STMN2: variants seen among roughly 807,000 people sequenced by gnomAD.
STMN2 encodes stathmin-2.
A neutral mutation model predicts 24.1 loss-of-function variants in STMN2; 2 were observed. The observed-to-expected ratio is 0.08, with a 90% CI of 0.03 to 0.26. The LOEUF is 0.26. Among genes scored for constraint, STMN2 ranks in the 10% least tolerant of loss-of-function variants. The pLI is 1.00. For synonymous variants in STMN2, 83 were observed against 77.5 expected, an observed-to-expected ratio of 1.07 and a Z score of -0.37; for missense variants, 114 against 213.6, an observed-to-expected ratio of 0.53 and a Z score of 2.91.
Position 79,663,620 on chromosome 8 carries a change from A to C in STMN2, c.481-1195A>C, listed in dbSNP as rs866839047. The C allele has an allele frequency of 5.9e-6, 9 of 1,531,386 alleles. No homozygotes were observed. In the Admixed American group the frequency reaches 9.9e-5, roughly 17 times the overall value. 94.9% of individuals were successfully genotyped at this position (1,531,386 alleles called of 1,614,324 possible). On this transcript the variant is annotated intron_variant, in intron 4 of 4. Coordinates refer to ENST00000220876, the MANE Select transcript of STMN2 (RefSeq NM_007029.4). ...TCTTCTGAACTAAAAGAATCTATAG[A>C]GTCTCAATTTCTGGAGCTTCAGAGG...
chr8:79,640,848 C>T (rs1810080402), intron 2 of STMN2, among the ~76,000 whole-genome samples: 1 of 152,166 alleles, frequency 6.6e-6, no homozygotes, highest in South Asian at 2.1e-4. Context: ...TCTAACGAAG[C>T]TCCTGTGATT....
At chr8:79,646,066 A>G (rs1040002343) in intron 3 of STMN2, among the ~76,000 whole-genome samples, 4 of 152,162 alleles carry the variant, frequency 2.6e-5, no homozygotes, top group African/African-American at 9.7e-5. Flanking sequence ...TAAGTAAATT[A>G]ATAAATAATA....
At chr8:79,641,630 A>ACT in intron 3 of STMN2, 80 bp downstream of exon 3, 1 of 169,330 alleles carries the variant, frequency 5.9e-6, no homozygotes. Context: ...ACATGCACGC[A>ACT]CACACACACA....
At chr8:79,619,868 A>C (rs1809470082) in intron 1 of STMN2, among the ~76,000 whole-genome samples, 1 of 152,110 alleles carries the variant, frequency 6.6e-6, no homozygotes, top group African/African-American at 2.4e-5. Context: ...TTTAAAAATT[A>C]TCTTTTTATT....
At chr8:79,637,594 G>A (rs189549728) in intron 2 of STMN2, among the ~76,000 whole-genome samples, 2 of 152,292 alleles carry the variant, frequency 1.3e-5, no homozygotes, top group Admixed American at 6.5e-5. Flanking sequence ...TCCTCTTGGA[G>A]TTGTTGTGAG....
chr8:79,635,708 G>A (rs1227416314), intron 1 of STMN2, among the ~76,000 whole-genome samples: 4 of 152,070 alleles, frequency 2.6e-5, no homozygotes, highest in Admixed American at 6.5e-5. Context: ...TAAACACTGA[G>A]CACACATGGA....
At chr8:79,637,182 T>C (rs1256792149) in intron 2 of STMN2, among the ~76,000 whole-genome samples, 4 of 152,232 alleles carry the variant, frequency 2.6e-5, no homozygotes, top group African/African-American at 9.6e-5. Flanking sequence ...GGTCTTTCTT[T>C]GCAAATAATT....
At chr8:79,623,647 C>G (rs1234934559) in intron 1 of STMN2, among the ~76,000 whole-genome samples, 1 of 152,026 alleles carries the variant, frequency 6.6e-6, no homozygotes, top group African/African-American at 2.4e-5. Flanking sequence ...TAAAATACAG[C>G]TAATAAAATG....
chr8:79,658,213 T>G (rs979413227), intron 4 of STMN2, among the ~76,000 whole-genome samples: 2 of 152,160 alleles, frequency 1.3e-5, no homozygotes. Flanking sequence ...GATGAAAGGA[T>G]TGCTTGGGCC....
intron 3 of STMN2, among the ~76,000 whole-genome samples, chr8:79,643,955 GT>G (rs1044676739): frequency 6.8e-6 from 1 of 147,412 alleles, no homozygotes; most frequent in Non-Finnish European, 1.5e-5. Context: ...TTTATTTTTA[GT>G]TTTTTATGGT....
intron 3 of STMN2, among the ~76,000 whole-genome samples, chr8:79,645,163 AAAAG>A (rs1431857744): frequency 1.3e-5 from 2 of 152,144 alleles, no homozygotes; most frequent in Non-Finnish European, 1.5e-5. Flanking sequence ...TCAAAAAAAA[AAAAG>A]AAAGAAATGT....
At chr8:79,638,986 A>AT (rs1160261477) in intron 2 of STMN2, among the ~76,000 whole-genome samples, 2 of 152,252 alleles carry the variant, frequency 1.3e-5, no homozygotes, top group African/African-American at 4.8e-5. Context: ...AATGAAAAAC[A>AT]TTTTTACATT....
chr8:79,663,652 G>A, intron 4 of STMN2: 1 of 1,526,990 alleles, frequency 6.5e-7, no homozygotes, highest in Non-Finnish European at 8.7e-7. Context: ...GAGGGAAGGA[G>A]AGAAGCAATG....
At chr8:79,657,163 C>T (rs528482448) in intron 4 of STMN2, among the ~76,000 whole-genome samples, 10 of 152,316 alleles carry the variant, frequency 6.6e-5, no homozygotes, top group South Asian at 2.1e-4. Flanking sequence ...TGTGAGCCAC[C>T]GTGCCCAGCC....
chr8:79,662,939 T>A (rs1489960273), intron 4 of STMN2, among the ~76,000 whole-genome samples: 1 of 152,144 alleles, frequency 6.6e-6, no homozygotes, highest in Non-Finnish European at 1.5e-5. Flanking sequence ...ATCTTTTTCC[T>A]TATAATAGCA....
chr8:79,652,728 T>C (rs564849864), intron 3 of STMN2, among the ~76,000 whole-genome samples: 131 of 152,232 alleles, frequency 8.6e-4, no homozygotes, highest in African/African-American at 3.1e-3. Flanking sequence ...CATTATTTTG[T>C]TTGATCCTGA....
chr8:79,649,553 C>T (rs1285054787), intron 3 of STMN2, among the ~76,000 whole-genome samples: 2 of 152,054 alleles, frequency 1.3e-5, no homozygotes, highest in Non-Finnish European at 1.5e-5. Context: ...TCATTGTCAG[C>T]AGTAAAGTCA....
intron 1 of STMN2, chr8:79,631,541 T>G: frequency 1.3e-6 from 1 of 756,834 alleles, no homozygotes; most frequent in Non-Finnish European, 1.6e-6. Context: ...TTAAAAAGGG[T>G]ATTTTAAAAT....
chr8:79,620,127 G>C (rs1331647702), intron 1 of STMN2, among the ~76,000 whole-genome samples: 1 of 148,752 alleles, frequency 6.7e-6, no homozygotes, highest in Non-Finnish European at 1.5e-5. Context: ...TCAGTGGCAA[G>C]CCTCAGAGGC....
Sources: gnomAD v4.1 joint callset for allele counts (sites outside exome capture counted in the v4.1 genomes callset) on GRCh38, gnomAD v4.1.1 for gene constraint, MANE v1.5 for transcripts, NCBI Gene and HGNC (gene_info 2026-07-23, HGNC 2026-07-21) for gene names.